RAB3C: variants seen among roughly 807,000 people sequenced by gnomAD.
RAB3C encodes the protein ras-related protein Rab-3C.
A neutral mutation model predicts 26.4 loss-of-function variants in RAB3C; 17 were observed. The ratio of observed to expected loss-of-function variants is 0.64; its 90% confidence interval spans 0.44 to 0.97. The LOEUF is 0.97. Ranked by LOEUF, RAB3C falls within the 50% of genes least tolerant of loss-of-function variation. The probability of loss-of-function intolerance (pLI) is 0.00; values close to 1 mark genes in which losing one functional copy is unlikely to be tolerated. For missense variants in RAB3C, 242 were observed against 281.9 expected, an observed-to-expected ratio of 0.86 and a Z score of 1.01; for synonymous variants, 91 against 95.9, an observed-to-expected ratio of 0.95 and a Z score of 0.30.
At chr5:58,851,058 A>C in intron 4 of RAB3C, 106 bp from the exon 5 acceptor site, 1 of 1,086,072 alleles carries the variant, frequency 9.2e-7, no homozygotes, top group Admixed American at 2.5e-5. Flanking sequence ...CCTACCACCC[A>C]CTGATGTCTC....
At chr5:58,629,030 A>G (rs893896089) in intron 2 of RAB3C, among the ~76,000 whole-genome samples, 2 of 60,400 alleles carry the variant, frequency 3.3e-5, no homozygotes, top group African/African-American at 5.8e-5. Flanking sequence ...ACTTCTGGAA[A>G]AAAAAAAAAA....
chr5:58,586,278 AAAT>A (rs1278345395), intron 1 of RAB3C, among the ~76,000 whole-genome samples: 1 of 152,100 alleles, frequency 6.6e-6, no homozygotes, highest in East Asian at 1.9e-4. Flanking sequence ...TATTAAGACT[AAAT>A]AACTTTCCCA....
chr5:58,582,270 C>T (rs959045019), upstream of RAB3C: 6 of 312,578 alleles, frequency 1.9e-5, no homozygotes, highest in Non-Finnish European at 2.8e-5. Context: ...TCCTTTTTCT[C>T]TCCGCCAGAC....
intron 2 of RAB3C, among the ~76,000 whole-genome samples, chr5:58,684,666 G>A (rs1465549413): frequency 6.6e-6 from 1 of 152,168 alleles, no homozygotes; most frequent in Non-Finnish European, 1.5e-5. Context: ...TAGGAGGGGA[G>A]TATTAATTAA....
chr5:58,844,481 C>A (rs189281689), intron 4 of RAB3C, among the ~76,000 whole-genome samples: 60 of 152,352 alleles, frequency 3.9e-4, no homozygotes, highest in African/African-American at 1.4e-3. Context: ...CCTCCCACTT[C>A]TCTTCCTAAA....
intron 1 of RAB3C, among the ~76,000 whole-genome samples, chr5:58,613,747 A>G (rs1404846869): frequency 6.6e-6 from 1 of 152,096 alleles, no homozygotes; most frequent in Non-Finnish European, 1.5e-5. Context: ...ATTGTGACCA[A>G]TTATGAAAGC....
chr5:58,749,879 A>C (rs1225663119), intron 3 of RAB3C, among the ~76,000 whole-genome samples: 1 of 152,180 alleles, frequency 6.6e-6, no homozygotes, highest in Non-Finnish European at 1.5e-5. Context: ...ATTTTTATTA[A>C]GTTTGAGAAT....
At chr5:58,596,044 G>A (rs1362742967) in intron 1 of RAB3C, among the ~76,000 whole-genome samples, 13 of 152,022 alleles carry the variant, frequency 8.6e-5, no homozygotes, top group Non-Finnish European at 5.9e-5. Context: ...GGAGGGATGT[G>A]GGGTTTGGAC....
At chr5:58,813,959 T>C (rs1169879482) in intron 3 of RAB3C, among the ~76,000 whole-genome samples, 1 of 152,132 alleles carries the variant, frequency 6.6e-6, no homozygotes, top group Non-Finnish European at 1.5e-5. Context: ...ATAAAATAGC[T>C]CAAAGATGAC....
At chr5:58,665,167 C>T (rs967369880) in intron 2 of RAB3C, among the ~76,000 whole-genome samples, 1 of 151,936 alleles carries the variant, frequency 6.6e-6, no homozygotes, top group African/African-American at 2.4e-5. Flanking sequence ...AAAAATAAGT[C>T]GGAAAAGTAT....
chr5:58,608,799 C>CAAAGGT (rs1000202637), intron 1 of RAB3C, among the ~76,000 whole-genome samples: 19 of 152,246 alleles, frequency 1.2e-4, no homozygotes, highest in African/African-American at 4.3e-4. Flanking sequence ...AAATATCCAT[C>CAAAGGT]AAAGGTAGAC....
chr5:58,608,272 G>A (rs1235997640), intron 1 of RAB3C, among the ~76,000 whole-genome samples: 1 of 151,970 alleles, frequency 6.6e-6, no homozygotes, highest in African/African-American at 2.4e-5. Flanking sequence ...AAAAAGAGCA[G>A]GGGTTGCATC....
chr5:58,832,444 T>TTATTCATTTACTAATG (rs1743633508), intron 4 of RAB3C, among the ~76,000 whole-genome samples: 1 of 152,202 alleles, frequency 6.6e-6, no homozygotes, highest in African/African-American at 2.4e-5. Flanking sequence ...TTACGGGACT[T>TTATTCATTTACTAATG]TATTCATTTA....
At chr5:58,596,020 C>T (rs1746239669) in intron 1 of RAB3C, among the ~76,000 whole-genome samples, 1 of 152,052 alleles carries the variant, frequency 6.6e-6, no homozygotes, top group Non-Finnish European at 1.5e-5. Context: ...GGGAAGATGG[C>T]TGCTTGGCTA....
chr5:58,628,483 A>G (rs1332283242), intron 2 of RAB3C, among the ~76,000 whole-genome samples: 1 of 152,196 alleles, frequency 6.6e-6, no homozygotes, highest in Non-Finnish European at 1.5e-5. Context: ...AGGACATTAC[A>G]TTAGAGCCTT....
At position 58,858,849 on chromosome 5, in the gene RAB3C, C is replaced by T. The variant is rs1265977963; in HGVS notation, c.*7498C>T. 6.6e-6 allele frequency: 1 copy of T among 152,160 alleles called. No homozygotes were observed. The highest frequency in any genetic ancestry group is 1.9e-4 in the East Asian group (1 of 5,196). The allele number at this position is 152,160 out of a possible 1,614,324, so 9.4% of individuals were successfully genotyped here. A position where few individuals can be genotyped will look rare whatever the true frequency, so the allele number is the denominator to read the frequency against. On this transcript the variant is annotated 3_prime_UTR_variant, in exon 5 of 5. Coordinates refer to ENST00000282878, the MANE Select transcript of RAB3C (RefSeq NM_138453.4). Reference sequence around the variant, plus strand: ...CTGTGCTGAGCAGCTCAAGACTCAGCCACAATATGCAAATTGCTTTAATGC... The same window carrying T: ...CTGTGCTGAGCAGCTCAAGACTCAGTCACAATATGCAAATTGCTTTAATGC...
intron 2 of RAB3C, among the ~76,000 whole-genome samples, chr5:58,682,693 A>AT (rs1206391188): frequency 6.7e-6 from 1 of 150,062 alleles, no homozygotes; most frequent in African/African-American, 2.5e-5. Context: ...CAAAAAGAAA[A>AT]AAGAAAAAAA....
rs1334803608 is a variant in RAB3C at position 58,769,742 on chromosome 5, T to A, written c.371+43622T>A. Among the ~76,000 whole-genome samples the A allele has an allele frequency of 2.7e-5, 3 of 111,168 alleles. No individual in the cohort carries two copies. The Admixed American group carries it at 2.8e-4, about 10-fold the overall frequency. The allele number at this position is 111,168 out of a possible 152,430, so 72.9% of individuals were successfully genotyped here. On this transcript the variant is annotated intron_variant, in intron 3 of 4. Coordinates refer to ENST00000282878, the MANE Select transcript of RAB3C (RefSeq NM_138453.4). ...TTTATGCATGTTTCTTTAAGAGAAA[T>A]GTAATCATCTGCAAGATTCTTCAAG...
chr5:58,773,074 G>C (rs1270581259), intron 3 of RAB3C, among the ~76,000 whole-genome samples: 1 of 152,188 alleles, frequency 6.6e-6, no homozygotes, highest in Non-Finnish European at 1.5e-5. Context: ...TGGGAAAGTA[G>C]TCATAAAGAT....
Sources: gnomAD v4.1 joint callset for allele counts (sites outside exome capture counted in the v4.1 genomes callset) on GRCh38, gnomAD v4.1.1 for gene constraint, MANE v1.5 for transcripts, NCBI Gene and HGNC (gene_info 2026-07-23, HGNC 2026-07-21) for gene names.